The following ITFG1 variants were observed in gnomAD, a reference collection of about 807,000 sequenced individuals.
The protein encoded by ITFG1 is T-cell immunomodulatory protein.
A neutral mutation model predicts 81.8 loss-of-function variants in ITFG1; 34 were observed. The observed-to-expected ratio is 0.42, with a 90% confidence interval of 0.32 to 0.55. The LOEUF (loss-of-function observed/expected upper bound fraction) is 0.55. Among genes scored for constraint, ITFG1 ranks in the 20% least tolerant of loss-of-function variants. The probability of loss-of-function intolerance (pLI) is 0.17; values close to 1 mark genes in which losing one functional copy is unlikely to be tolerated. For missense variants in ITFG1, 672 were observed against 755.4 expected, an observed-to-expected ratio of 0.89 and a Z score of 1.29; for synonymous variants, 285 against 270.6, an observed-to-expected ratio of 1.05 and a Z score of -0.52.
intron 14 of ITFG1, among the ~76,000 whole-genome samples, chr16:47,173,894 G>A (rs1964990984): frequency 1.3e-5 from 2 of 152,116 alleles, no homozygotes; most frequent in Admixed American, 1.3e-4. Context: ...TACAAAATTA[G>A]CTGGGCATGG....
chr16:47,365,730 A>G lies in ITFG1; in HGVS notation c.802+58T>C, dbSNP rs1968168046. The G allele has an allele frequency of 3.0e-6, 3 of 1,004,478 alleles. No homozygotes were observed. In the South Asian group the frequency reaches 4.1e-5, roughly 14 times the overall value. 62.2% of individuals were successfully genotyped at this position (1,004,478 alleles called of 1,614,324 possible). A position where few individuals can be genotyped will look rare whatever the true frequency, so the allele number is the denominator to read the frequency against. On this transcript the variant is annotated intron_variant, in intron 8 of 17. Coordinates refer to ENST00000320640, the MANE Select transcript of ITFG1 (RefSeq NM_030790.5). The stretch of plus-strand genomic sequence containing the variant: ...GGGGAATTAATATAAATAGAACAGA[A>G]AGAAGGAGAGAATTGGAAAGGCAAA...
chr16:47,302,940 G>T (rs1411586454), intron 10 of ITFG1, among the ~76,000 whole-genome samples: 9 of 152,168 alleles, frequency 5.9e-5, no homozygotes, highest in Non-Finnish European at 1.3e-4. Flanking sequence ...CAGAGACGGG[G>T]TCTTGATATT....
chr16:47,317,548 G>A (rs1320105749), intron 8 of ITFG1: 1 of 152,198 alleles, frequency 6.6e-6, no homozygotes, highest in African/African-American at 2.4e-5. Flanking sequence ...CTCTAAAGCA[G>A]TGGTTCTGCA....
At chr16:47,301,035 C>T (rs537256296) in intron 10 of ITFG1, among the ~76,000 whole-genome samples, 4 of 151,938 alleles carry the variant, frequency 2.6e-5, no homozygotes, top group Admixed American at 1.3e-4. Flanking sequence ...CCCTAAAAGC[C>T]CAGGAGTATA....
chr16:47,438,050 C>T (rs545345261), intron 5 of ITFG1, among the ~76,000 whole-genome samples: 2 of 152,318 alleles, frequency 1.3e-5, no homozygotes, highest in East Asian at 1.9e-4. Context: ...GCACCTGGCT[C>T]GGAGGGTCCT....
intron 8 of ITFG1, among the ~76,000 whole-genome samples, chr16:47,321,995 TG>T (rs1221183482): frequency 6.6e-6 from 1 of 152,162 alleles, no homozygotes; most frequent in Non-Finnish European, 1.5e-5. Flanking sequence ...AATTTTTAAA[TG>T]GCATAAATGA....
At chr16:47,181,481 C>A (rs1242222675) in intron 14 of ITFG1, among the ~76,000 whole-genome samples, 1 of 145,096 alleles carries the variant, frequency 6.9e-6, no homozygotes, top group Non-Finnish European at 1.5e-5. Context: ...CCCGGCCAGC[C>A]GCCCCGTCCG....
intron 8 of ITFG1, among the ~76,000 whole-genome samples, chr16:47,322,123 G>T (rs947159339): frequency 6.7e-6 from 1 of 150,308 alleles, no homozygotes; most frequent in Non-Finnish European, 1.5e-5. Flanking sequence ...TTATTGAAGA[G>T]AAGTCTACAA....
At chr16:47,202,572 T>C (rs1467919292) in intron 14 of ITFG1, 3 of 151,372 alleles carry the variant, frequency 2.0e-5, no homozygotes, top group Non-Finnish European at 4.4e-5. Context: ...GAAAGGCTGC[T>C]GTGCAGGTGT....
chr16:47,260,804 T>A (rs776186396), intron 10 of ITFG1, 109 bp from the exon 11 acceptor site: 1 of 1,151,352 alleles, frequency 8.7e-7, no homozygotes, highest in Non-Finnish European at 1.2e-6. Flanking sequence ...CACAGTGAAA[T>A]TACACGAAAA....
intron 8 of ITFG1, among the ~76,000 whole-genome samples, chr16:47,339,882 C>T (rs918884515): frequency 4.6e-5 from 7 of 151,906 alleles, no homozygotes; most frequent in Non-Finnish European, 8.8e-5. Flanking sequence ...AGTCCACATA[C>T]GATACTCTCA....
intron 14 of ITFG1, among the ~76,000 whole-genome samples, chr16:47,201,205 G>T (rs975641296): frequency 4.0e-5 from 6 of 149,340 alleles, no homozygotes; most frequent in African/African-American, 1.3e-4. Context: ...ATATTTAGGA[G>T]AATTTTTTTT....
chr16:47,259,806 G>A (rs928254690), intron 11 of ITFG1, among the ~76,000 whole-genome samples: 1 of 152,096 alleles, frequency 6.6e-6, no homozygotes, highest in African/African-American at 2.4e-5. Context: ...AAGGTCACCT[G>A]GCAATCAGTC....
intron 8 of ITFG1, among the ~76,000 whole-genome samples, chr16:47,315,507 A>G (rs1466084515): frequency 6.6e-6 from 1 of 152,172 alleles, no homozygotes; most frequent in Admixed American, 6.5e-5. Context: ...CAAAATGCTC[A>G]TATTAGAATC....
At chr16:47,434,370 C>A (rs1230028681) in intron 5 of ITFG1, among the ~76,000 whole-genome samples, 10 of 149,586 alleles carry the variant, frequency 6.7e-5, no homozygotes, top group Admixed American at 2.0e-4. Flanking sequence ...AAAAAAAAAA[C>A]CATTCAAAAG....
At chr16:47,197,631 C>G (rs1215469335) in intron 14 of ITFG1, among the ~76,000 whole-genome samples, 10 of 152,234 alleles carry the variant, frequency 6.6e-5, no homozygotes, top group African/African-American at 2.4e-4. Flanking sequence ...CAATAAACCT[C>G]TTTAAATAGT....
intron 8 of ITFG1, among the ~76,000 whole-genome samples, chr16:47,348,013 G>A (rs1967885159): frequency 6.6e-6 from 1 of 152,136 alleles, no homozygotes; most frequent in African/African-American, 2.4e-5. Context: ...GAATGTTAAA[G>A]GGAAAACTAA....
At chr16:47,413,739 C>T (rs574885750) in intron 6 of ITFG1, among the ~76,000 whole-genome samples, 2 of 152,232 alleles carry the variant, frequency 1.3e-5, no homozygotes, top group East Asian at 3.9e-4. Context: ...AATAAAGCAA[C>T]TCCAAAATCA....
At chr16:47,243,025 T>C (rs540739439) in intron 12 of ITFG1, among the ~76,000 whole-genome samples, 1 of 152,298 alleles carries the variant, frequency 6.6e-6, no homozygotes, top group African/African-American at 2.4e-5. Context: ...AAAATATATA[T>C]GTATTCTTTA....
Sources: allele counts gnomAD v4.1 joint callset (sites outside exome capture counted in the v4.1 genomes callset), GRCh38; gene constraint gnomAD v4.1.1; transcripts MANE v1.5; gene names NCBI Gene and HGNC (gene_info 2026-07-23, HGNC 2026-07-21).